Variants in DCHS2 observed in about 807,000 individuals in gnomAD.
The protein encoded by DCHS2 is dachsous cadherin-related 2, also known as protocadherin-23.
A neutral mutation model predicts 182.4 loss-of-function variants in DCHS2; 142 were observed. That is an observed-to-expected ratio of 0.78 (90% confidence interval 0.68 to 0.89). The LOEUF (loss-of-function observed/expected upper bound fraction) is 0.89, where lower values mean the gene tolerates loss of function less well. DCHS2 is among the 40% of genes least tolerant of loss of function. The probability of loss-of-function intolerance (pLI) is 0.00; values close to 1 mark genes in which losing one functional copy is unlikely to be tolerated. For missense variants in DCHS2, 4,319 were observed against 4,198.6 expected (o/e 1.03, Z -0.79); for synonymous variants, 1,740 against 1,663.3 (o/e 1.05, Z -1.12).
At chr4:154,323,873 CA>C (rs60287796) in intron 7 of DCHS2, among the ~76,000 whole-genome samples, 116 of 146,954 alleles carry the variant, frequency 7.9e-4, no homozygotes, top group East Asian at 1.2e-3. Flanking sequence ...AAAAACCCAC[CA>C]AAAAAAAAAA....
chr4:154,389,536 A>ATATATATATATATATATATATATATATT (rs1485000004), intron 1 of DCHS2, among the ~76,000 whole-genome samples: 1 of 144,536 alleles, frequency 6.9e-6, no homozygotes, highest in Admixed American at 6.8e-5. Flanking sequence ...ATATATATAT[A>ATATATATATATATATATATATATATATT]ACCTTTTTTT....
At position 154,491,718 on chromosome 4, in the gene DCHS2, C is replaced by A; in HGVS notation, c.-363G>T. On this transcript the variant is annotated 5_prime_UTR_variant, in exon 1 of 20. Transcript: ENST00000357232. ...CCTGGTAAAGTCAGGTGCATTATTT[C>A]TTTTGCCAAAAAGGAGGAGATTATA... 1 of 1,071,708 alleles carries A rather than the reference C, an allele frequency of 9.3e-7. No homozygotes were observed. Among genetic ancestry groups the A allele is most frequent in the Non-Finnish European group, 1.1e-6 (1 of 887,264 alleles). 66.4% of individuals were successfully genotyped at this position (1,071,708 alleles called of 1,614,324 possible). A position where few individuals can be genotyped will look rare whatever the true frequency, so the allele number is the denominator to read the frequency against.
intron 14 of DCHS2, chr4:154,269,269 A>G (rs1312704824): frequency 6.6e-6 from 1 of 152,372 alleles, no homozygotes; most frequent in Non-Finnish European, 1.5e-5. Context: ...GTTGTATGGC[A>G]ACAGAGACAT....
chr4:154,323,382 C>T (rs1007796559), intron 7 of DCHS2: 118 of 1,539,098 alleles, frequency 7.7e-5, no homozygotes, highest in Admixed American at 1.4e-4. Context: ...CAGGCTGGAG[C>T]GCAATTGTGC....
chr4:154,363,572 G>A (rs1255513195), intron 3 of DCHS2, among the ~76,000 whole-genome samples: 2 of 152,192 alleles, frequency 1.3e-5, no homozygotes, highest in African/African-American at 4.8e-5. Flanking sequence ...AATTGGAGAT[G>A]TTGCCCAAAG....
intron 10 of DCHS2, among the ~76,000 whole-genome samples, chr4:154,311,994 T>C (rs6847365): frequency 0.011 from 1,660 of 151,950 alleles, 10 homozygotes; most frequent in Non-Finnish European, 0.017. Flanking sequence ...AATATATTTA[T>C]AATAGAATTT....
At chr4:154,395,494 G>T (rs116277911) in intron 1 of DCHS2, among the ~76,000 whole-genome samples, 2 of 152,040 alleles carry the variant, frequency 1.3e-5, no homozygotes, top group African/African-American at 2.4e-5. Flanking sequence ...GGATTGCTCC[G>T]CCATCACACT....
chr4:154,258,837 G>A (rs1475352079), intron 15 of DCHS2, among the ~76,000 whole-genome samples: 1 of 152,160 alleles, frequency 6.6e-6, no homozygotes, highest in Non-Finnish European at 1.5e-5. Flanking sequence ...CATTCCAGGG[G>A]CCAAAAGGAA....
At chr4:154,292,507 A>G (rs1734713965) in intron 13 of DCHS2, among the ~76,000 whole-genome samples, 1 of 152,202 alleles carries the variant, frequency 6.6e-6, no homozygotes, top group African/African-American at 2.4e-5. Context: ...TCACATTAGA[A>G]AGCCTGGGCT....
intron 1 of DCHS2, among the ~76,000 whole-genome samples, chr4:154,417,304 A>G (rs1476241772): frequency 6.6e-6 from 1 of 150,470 alleles, no homozygotes; most frequent in Non-Finnish European, 1.5e-5. Context: ...CAGACTCCCA[A>G]GTGCACTGTG....
In DCHS2 at chr4:154,332,982, G is replaced by A; in HGVS notation, c.3226C>T (p.Arg1076Cys). ...AAAGTCCAGGATGGGCTGTGTTCGC[G>A]TTTCTCGATAACGACTGTCAGCACC... ...LLVLTVVIEK[R>C]EHSPSWTFEH... Residue 1076 changes from arginine to cysteine, a missense_variant, in exon 5 of 20, where the codon CGC (arginine) becomes TGC (cysteine). Physicochemically the swap from Arg to Cys is radical, Grantham distance 180 (BLOSUM62 -3). Transcript: ENST00000357232. 1 of 1,614,218 alleles carries A rather than the reference G, an allele frequency of 6.2e-7. No homozygotes were observed. Among genetic ancestry groups the A allele is most frequent in the Non-Finnish European group, 8.5e-7 (1 of 1,180,050 alleles).
intron 1 of DCHS2, among the ~76,000 whole-genome samples, chr4:154,450,453 A>G (rs1734485571): frequency 6.6e-6 from 1 of 152,196 alleles, no homozygotes; most frequent in Non-Finnish European, 1.5e-5. Flanking sequence ...GCTGGATACT[A>G]CAGAGAATGT....
At chr4:154,332,130 C>T (rs1736562366) in intron 5 of DCHS2, among the ~76,000 whole-genome samples, 1 of 152,058 alleles carries the variant, frequency 6.6e-6, no homozygotes, top group Non-Finnish European at 1.5e-5. Context: ...AAAAATTAGC[C>T]TTTACACAAG....
chr4:154,346,153 A>G (rs1190794666), intron 3 of DCHS2, among the ~76,000 whole-genome samples: 1 of 152,176 alleles, frequency 6.6e-6, no homozygotes, highest in Non-Finnish European at 1.5e-5. Context: ...TCCTAATTCC[A>G]TCCCATTAGG....
At position 154,489,732 on chromosome 4, in the gene DCHS2, G is replaced by C. The variant is rs1450318072; in HGVS notation, c.1624C>G (p.Gln542Glu). Residue 542 changes from glutamine to glutamate, a missense_variant, in exon 1 of 20, where the codon CAG becomes GAG. Gln to Glu is a conservative substitution (Grantham distance 29, BLOSUM62 2). Coordinates refer to ENST00000357232, the MANE Select transcript of DCHS2 (RefSeq NM_001358235.2). ...LNDQPPLFSQ[Q>E]HYKASVSEAA... Reference sequence around the variant, plus strand: ...TCGGACACTGAGGCCTTGTAATGCTGTTGGCTGAAGAGAGGTGGTTGGTCA... The same window carrying C: ...TCGGACACTGAGGCCTTGTAATGCTCTTGGCTGAAGAGAGGTGGTTGGTCA... 3.9e-6 allele frequency: 6 copies of C among 1,551,580 alleles called. No homozygotes were observed. The highest frequency in any genetic ancestry group is 5.2e-6 in the Non-Finnish European group (6 of 1,146,982).
At chr4:154,316,855 C>T (rs1248000028) in intron 9 of DCHS2, among the ~76,000 whole-genome samples, 1 of 152,100 alleles carries the variant, frequency 6.6e-6, no homozygotes, top group Non-Finnish European at 1.5e-5. Context: ...GTGTCTCTAT[C>T]CCACTGCCAT....
chr4:154,263,686 G>GAAAAAAA (rs200534854), intron 14 of DCHS2, among the ~76,000 whole-genome samples: 1 of 103,942 alleles, frequency 9.6e-6, no homozygotes, highest in Non-Finnish European at 2.1e-5. Flanking sequence ...GGCCATTATT[G>GAAAAAAA]AAAAAAAAAA....
At chr4:154,256,508 C>T (rs968741071) in intron 15 of DCHS2, among the ~76,000 whole-genome samples, 11 of 111,668 alleles carry the variant, frequency 9.9e-5, no homozygotes, top group African/African-American at 3.7e-4. Flanking sequence ...AGTGTAGATC[C>T]TAATCATGTA....
At chr4:154,424,005 A>T (rs1195008719) in intron 1 of DCHS2, among the ~76,000 whole-genome samples, 1 of 152,242 alleles carries the variant, frequency 6.6e-6, no homozygotes, top group East Asian at 1.9e-4. Context: ...AATATCTTCA[A>T]ATCATTTTTG....
Sources: gnomAD v4.1 joint callset for allele counts (sites outside exome capture counted in the v4.1 genomes callset) on GRCh38, gnomAD v4.1.1 for gene constraint, MANE v1.5 for transcripts, NCBI Gene and HGNC (gene_info 2026-07-23, HGNC 2026-07-21) for gene names.